The following MCF2 variants were observed in gnomAD, a reference collection of about 807,000 sequenced individuals.
MCF2 encodes the protein proto-oncogene DBL.
A neutral mutation model predicts 82.5 loss-of-function variants in MCF2; 44 were observed. That is an observed-to-expected ratio of 0.53 (90% CI 0.42 to 0.69). The LOEUF (loss-of-function observed/expected upper bound fraction) is 0.69. Ranked by LOEUF, MCF2 falls within the 30% of genes least tolerant of loss-of-function variation. The pLI, the probability that MCF2 is intolerant of heterozygous loss-of-function variation, is 0.00. For synonymous variants in MCF2, 217 were observed against 224.9 expected, an observed-to-expected ratio of 0.96 and a Z score of 0.32; for missense variants, 623 against 663.1, an observed-to-expected ratio of 0.94 and a Z score of 0.66.
chrX:139,649,129 A>T lies in MCF2; in HGVS notation c.26-2226T>A, dbSNP rs898945472. 2.7e-5 allele frequency among the ~76,000 whole-genome samples: 3 copies of T among 112,587 alleles called. No individual in the cohort carries two copies. The Admixed American group carries it at 2.8e-4, about 11-fold the overall frequency. On this transcript the variant is annotated intron_variant, in intron 2 of 27. Transcript: ENST00000414978. ...TCTCTAGTGCACATGGAAAAAGATC[A>T]AATTAATTATTTGCCTCAATATTTA...
exon 9 of MCF2, chrX:139,616,469 C>A (rs200810024): frequency 1.8e-5 from 19 of 1,045,110 alleles, no homozygotes; most frequent in South Asian, 2.9e-5. Flanking sequence ...ACAGCATTGA[C>A]GAGCCTGGTA....
chrX:139,658,922 A>G (rs986724593), intron 1 of MCF2, among the ~76,000 whole-genome samples: 12 of 110,325 alleles, frequency 1.1e-4, no homozygotes, highest in African/African-American at 3.6e-4. Flanking sequence ...GGATCAAGTG[A>G]TCCTCCCACC....
At chrX:139,646,834 T>C, upstream of MCF2, 3 of 1,187,189 alleles carry the variant, frequency 2.5e-6, no homozygotes, top group Non-Finnish European at 2.3e-6. Context: ...TATTACTTCC[T>C]CTGGTATACA....
At chrX:139,631,847 T>C (rs1166738233) in intron 2 of MCF2, among the ~76,000 whole-genome samples, 3 of 111,642 alleles carry the variant, frequency 2.7e-5, no homozygotes, top group African/African-American at 9.7e-5. Flanking sequence ...TAGTAAGTTA[T>C]AATTTATCAG....
chrX:139,596,445 C>T, intron 19 of MCF2, 104 bp downstream of exon 23: 1 of 547,310 alleles, frequency 1.8e-6, no homozygotes, highest in Non-Finnish European at 3.0e-6. Flanking sequence ...CAAAGATGTG[C>T]AGCGAAAGTA....
At chrX:139,620,648 T>C (rs1439150605) in intron 6 of MCF2, among the ~76,000 whole-genome samples, 1 of 111,165 alleles carries the variant, frequency 9.0e-6, no homozygotes, top group Non-Finnish European at 1.9e-5. Context: ...CAGTAATACA[T>C]GTAGCCCAAG....
rs1392437818 is a variant in MCF2 at position 139,632,250 on chromosome X, C to CA, written c.171+84dup. 5.4e-6 allele frequency: 4 copies of CA among 741,473 alleles called. No homozygotes were observed. In the Admixed American group the frequency reaches 1.2e-4, roughly 22 times the overall value. The allele number at this position is 741,473 out of a possible 1,213,427, so 61.1% of individuals were successfully genotyped here. A position where few individuals can be genotyped will look rare whatever the true frequency, so the allele number is the denominator to read the frequency against. ...TTTAATTTTTTTCTTTTAAATGACACATGGGCACATGTAAAATATAAACAG... is the reference window on the plus strand; with the variant it reads ...TTTAATTTTTTTCTTTTAAATGACACAATGGGCACATGTAAAATATAAACAG... On this transcript the variant is annotated intron_variant, in intron 2 of 24. Transcript: ENST00000370576.
intron 1 of MCF2, among the ~76,000 whole-genome samples, chrX:139,636,546 T>C (rs1933230675): frequency 9.0e-6 from 1 of 110,568 alleles, no homozygotes; most frequent in Non-Finnish European, 1.9e-5. Context: ...TCCAAAATTA[T>C]GTGTGAGGGA....
intron 1 of MCF2, among the ~76,000 whole-genome samples, chrX:139,691,038 C>T (rs1454860848): frequency 1.8e-5 from 2 of 111,755 alleles, no homozygotes; most frequent in African/African-American, 6.5e-5. Flanking sequence ...GAGTGTATCA[C>T]GACTGGCAAG....
At chrX:139,642,537 C>T in exon 1 of MCF2, 27 of 1,211,538 alleles carry the variant, frequency 2.2e-5, no homozygotes, top group Non-Finnish European at 3.0e-5. Flanking sequence ...TACGCAATTA[C>T]ACTTTTCTTT....
Position 139,619,795 on chromosome X carries a change from T to C in MCF2, c.688-89A>G, listed in dbSNP as rs1480729212. On this transcript the variant is annotated intron_variant, in intron 6 of 24. Coordinates refer to ENST00000370576, the Ensembl canonical transcript of MCF2. ...TACAAAATGCTTTTAAACAAAAATATTGACATGGAGAAATTACACATATAA... is the reference window on the plus strand; with the variant it reads ...TACAAAATGCTTTTAAACAAAAATACTGACATGGAGAAATTACACATATAA... The C allele has an allele frequency of 6.0e-6, 4 of 666,583 alleles. No individual in the cohort carries two copies. The East Asian group carries it at 1.1e-4, about 18-fold the overall frequency. 54.9% of individuals were successfully genotyped at this position (666,583 alleles called of 1,213,427 possible).
intron 10 of MCF2, among the ~76,000 whole-genome samples, chrX:139,610,732 G>T (rs1316429118): frequency 9.0e-6 from 1 of 110,982 alleles, no homozygotes; most frequent in Non-Finnish European, 1.9e-5. Context: ...ACTAATTAGA[G>T]CATCTACACT....
chrX:139,650,105 A>G (rs1277702068), intron 2 of MCF2, among the ~76,000 whole-genome samples: 1 of 111,731 alleles, frequency 9.0e-6, no homozygotes, highest in Admixed American at 9.5e-5. Context: ...CTGTAATCAC[A>G]GCACTTTGAG....
intron 1 of MCF2, among the ~76,000 whole-genome samples, chrX:139,658,667 G>GTGTTTTTTT (rs1934265573): frequency 1.8e-5 from 1 of 56,615 alleles, no homozygotes; most frequent in African/African-American, 7.8e-5. Context: ...AAAAAGATGT[G>GTGTTTTTTT]TTTTTTTTTT....
intron 6 of MCF2, among the ~76,000 whole-genome samples, chrX:139,622,207 G>A (rs928904172): frequency 6.3e-5 from 7 of 111,652 alleles, no homozygotes; most frequent in East Asian, 2.8e-4. Flanking sequence ...TTAGAATGGC[G>A]ATCATTAAAA....
chrX:139,654,007 G>T (rs1934116716), intron 1 of MCF2, among the ~76,000 whole-genome samples: 3 of 111,493 alleles, frequency 2.7e-5, no homozygotes, highest in Admixed American at 1.9e-4. Context: ...ACATTCCATG[G>T]TGTATATATA....
intron 16 of MCF2, among the ~76,000 whole-genome samples, chrX:139,601,167 A>G (rs1930527211): frequency 9.0e-6 from 1 of 111,449 alleles, no homozygotes; most frequent in African/African-American, 3.3e-5. Flanking sequence ...GATATCCAAT[A>G]TCCGTACAAC....
chrX:139,617,778 T>A, intron 7 of MCF2, 74 bp from the exon 11 acceptor site: 1 of 640,221 alleles, frequency 1.6e-6, no homozygotes, highest in Non-Finnish European at 2.2e-6. Flanking sequence ...AGAAAATAAT[T>A]AAGAAGCAAA....
chrX:139,636,685 C>G (rs1161323255), intron 1 of MCF2, among the ~76,000 whole-genome samples: 1 of 111,686 alleles, frequency 9.0e-6, no homozygotes, highest in African/African-American at 3.3e-5. Flanking sequence ...GGTCCAGAGA[C>G]AGCTGATCAC....
Sources: gnomAD v4.1 joint callset for allele counts (sites outside exome capture counted in the v4.1 genomes callset) on GRCh38, gnomAD v4.1.1 for gene constraint, MANE v1.5 for transcripts, NCBI Gene and HGNC (gene_info 2026-07-23, HGNC 2026-07-21) for gene names.